Variants in SVIL observed in about 807,000 individuals in gnomAD.
The protein encoded by SVIL is supervillin.
A neutral mutation model predicts 240.4 loss-of-function variants in SVIL; 101 were observed. That is an observed-to-expected ratio of 0.42 (90% CI 0.36 to 0.50). The LOEUF (loss-of-function observed/expected upper bound fraction) is 0.50. Ranked by LOEUF, SVIL falls within the 20% of genes least tolerant of loss-of-function variation. SVIL has a pLI of 0.01. For synonymous variants in SVIL, 999 were observed against 1,100.0 expected, an observed-to-expected ratio of 0.91 and a Z score of 1.82; for missense variants, 2,512 against 2,818.7, an observed-to-expected ratio of 0.89 and a Z score of 2.46.
At chr10:29,648,002 C>A (rs1202567001) in intron 3 of SVIL, among the ~76,000 whole-genome samples, 4 of 140,686 alleles carry the variant, frequency 2.8e-5, no homozygotes, top group Admixed American at 7.1e-5. Context: ...AAATCATTAC[C>A]AGAAAAAAAA....
Position 29,533,270 on chromosome 10 carries a change from C to G in SVIL, c.1097G>C (p.Gly366Ala). 1 of 1,614,070 alleles carries G rather than the reference C, an allele frequency of 6.2e-7. No individual in the cohort carries two copies. The highest frequency in any genetic ancestry group is 1.6e-4 in the Middle Eastern group (1 of 6,062). Residue 366 changes from glycine (G) to alanine (A), a missense_variant, in exon 8 of 38, where the codon GGC (glycine) becomes GCC (alanine). Transcript: ENST00000355867. ...ACCGGTATCTGCGGGTTGGACATAG[C>G]CACGGATTGGCTGTCGTGTAGAGCC... Reference protein sequence around the residue: ...AAGSTRQPIRGYVQPADTGHT... With the variant: ...AAGSTRQPIRAYVQPADTGHT...
chr10:29,676,666 G>A (rs550334844), intron 2 of SVIL, among the ~76,000 whole-genome samples: 87 of 152,320 alleles, frequency 5.7e-4, no homozygotes, highest in African/African-American at 2.0e-3. Flanking sequence ...CACCTTAAGG[G>A]GCCGGAGCAG....
At chr10:29,479,529 G>A (rs924306932) in intron 29 of SVIL, among the ~76,000 whole-genome samples, 7 of 152,312 alleles carry the variant, frequency 4.6e-5, no homozygotes, top group African/African-American at 1.7e-4. Flanking sequence ...TGTGCTCAGC[G>A]AGGCCCACCT....
chr10:29,615,985 C>A (rs1957413827), intron 1 of SVIL, among the ~76,000 whole-genome samples: 1 of 152,188 alleles, frequency 6.6e-6, no homozygotes, highest in South Asian at 2.1e-4. Context: ...CATGATACCC[C>A]ATATCTAAAT....
intron 2 of SVIL, among the ~76,000 whole-genome samples, chr10:29,682,865 G>A (rs766626513): frequency 6.6e-6 from 1 of 152,156 alleles, no homozygotes; most frequent in African/African-American, 2.4e-5. Context: ...GTTGGCCAAG[G>A]GAGGCAGAAA....
chr10:29,696,015 T>A (rs915186898), intron 1 of SVIL, among the ~76,000 whole-genome samples: 9 of 150,398 alleles, frequency 6.0e-5, no homozygotes, highest in African/African-American at 2.2e-4. Context: ...AAAGCTGGAC[T>A]GTACTGCTGC....
intron 12 of SVIL, among the ~76,000 whole-genome samples, chr10:29,528,938 G>A (rs757973753): frequency 1.3e-4 from 20 of 151,928 alleles, no homozygotes; most frequent in Non-Finnish European, 2.1e-4. Context: ...AGCACTTTGG[G>A]AGGCTGAGGC....
At position 29,481,593 on chromosome 10, in the gene SVIL, G is replaced by A. The variant is rs1296054628; in HGVS notation, c.5091C>T (p.Ala1697=). 1 of 1,613,966 alleles carries A rather than the reference G, an allele frequency of 6.2e-7. No individual in the cohort carries two copies. Among genetic ancestry groups the A allele is most frequent in the Non-Finnish European group, 8.5e-7 (1 of 1,180,024 alleles). The change falls in exon 28 of 38, where the codon GCC becomes GCT. Residue 1697 remains alanine (A), a synonymous_variant. Coordinates refer to ENST00000355867, the MANE Select transcript of SVIL (RefSeq NM_021738.3). ...RSNEKNPGEL[A]QHKEDPRTDV... The stretch of plus-strand genomic sequence containing the variant: ...TTGGTCGCCGGAATACCTTGTGCTG[G>A]GCAAGTTCCCCGGGGTTCTTCTCAT...
chr10:29,542,506 G>A (rs984607712), intron 6 of SVIL, among the ~76,000 whole-genome samples: 3 of 151,978 alleles, frequency 2.0e-5, no homozygotes, highest in Non-Finnish European at 2.9e-5. Context: ...TAGGGTGCTT[G>A]CCATTTGTTG....
chr10:29,464,665 C>A (rs889411311), intron 34 of SVIL, among the ~76,000 whole-genome samples: 1 of 152,172 alleles, frequency 6.6e-6, no homozygotes, highest in Non-Finnish European at 1.5e-5. Context: ...CCCTGAGCCC[C>A]AGGATGAAGG....
chr10:29,716,947 T>C (rs1281079304), intron 1 of SVIL, among the ~76,000 whole-genome samples: 2 of 152,216 alleles, frequency 1.3e-5, no homozygotes, highest in Non-Finnish European at 2.9e-5. Flanking sequence ...ATAGGCACTG[T>C]GGGCTGGGAG....
intron 6 of SVIL, among the ~76,000 whole-genome samples, chr10:29,538,112 C>T (rs574004906): frequency 1.1e-4 from 17 of 152,292 alleles, no homozygotes; most frequent in East Asian, 1.9e-4. Context: ...GTTCCTATAA[C>T]GAATCTGCCG....
rs3031442 is a variant in SVIL at position 29,552,562 on chromosome 10, C to CAAA, written c.161-1302_161-1300dup. Among the ~76,000 whole-genome samples, 366 of 82,418 alleles carry CAAA rather than the reference C, an allele frequency of 4.4e-3. 7 individuals are homozygous for CAAA. The highest frequency in any genetic ancestry group is 0.017 in the South Asian group (39 of 2,350). 54.1% of individuals were successfully genotyped at this position (82,418 alleles called of 152,430 possible). The stretch of plus-strand genomic sequence containing the variant: ...TGGGCAACAAAGTGAGACTCTGTCT[C>CAAA]AAAAAAAAAAAAAAAAAAAATTCCC... On this transcript the variant is annotated intron_variant, in intron 5 of 37. Transcript: ENST00000355867.
chr10:29,531,924 T>C (rs1589137710), intron 9 of SVIL, 78 bp downstream of exon 9: 1 of 1,501,832 alleles, frequency 6.7e-7, no homozygotes, highest in Non-Finnish European at 9.1e-7. Context: ...ATAAATAGCG[T>C]CAAGACCGTC....
At chr10:29,529,542 A>G (rs1169954396) in intron 12 of SVIL, among the ~76,000 whole-genome samples, 163 bp downstream of exon 12, 1 of 152,236 alleles carries the variant, frequency 6.6e-6, no homozygotes, top group Non-Finnish European at 1.5e-5. Context: ...CCCATTACAA[A>G]GTTTAGAGAG....
intron 2 of SVIL, chr10:29,671,042 A>G (rs1959732898): frequency 6.6e-6 from 1 of 152,276 alleles, no homozygotes; most frequent in African/African-American, 2.4e-5. Context: ...CCTCCTTGGA[A>G]CACCAGGCGC....
At chr10:29,708,275 A>G (rs1963043891) in intron 1 of SVIL, among the ~76,000 whole-genome samples, 1 of 150,342 alleles carries the variant, frequency 6.7e-6, no homozygotes, top group Non-Finnish European at 1.5e-5. Context: ...AAAAAAAAAA[A>G]AAAAATGTAC....
intron 27 of SVIL, chr10:29,482,977 T>A (rs1244203153): frequency 6.6e-6 from 1 of 152,188 alleles, no homozygotes; most frequent in Admixed American, 6.5e-5. Context: ...CTGAGGCACA[T>A]CAGAAAGGCT....
At chr10:29,716,246 T>C (rs1266922607) in intron 1 of SVIL, among the ~76,000 whole-genome samples, 1 of 152,272 alleles carries the variant, frequency 6.6e-6, no homozygotes, top group Non-Finnish European at 1.5e-5. Context: ...TCATAATTGG[T>C]AATTATATCA....
Sources: allele counts gnomAD v4.1 joint callset (sites outside exome capture counted in the v4.1 genomes callset), GRCh38; gene constraint gnomAD v4.1.1; transcripts MANE v1.5; gene names NCBI Gene and HGNC (gene_info 2026-07-23, HGNC 2026-07-21).